RFC1: variants seen among roughly 807,000 people sequenced by gnomAD.
RFC1 encodes the protein replication factor C subunit 1, also known as A1 140 kDa subunit.
RFC1 carries 37 observed loss-of-function variants against 137.4 expected under a neutral mutation model. The ratio of observed to expected loss-of-function variants is 0.27; its 90% CI spans 0.21 to 0.35. RFC1 has a LOEUF of 0.35. Among genes scored for constraint, RFC1 ranks in the 10% least tolerant of loss-of-function variants. RFC1 has a pLI of 1.00. For missense variants in RFC1, 1,205 were observed against 1,358.5 expected (o/e 0.89, Z 1.78); for synonymous variants, 429 against 455.7 (o/e 0.94, Z 0.75).
chr4:39,300,628 G>A (rs1360414818), intron 19 of RFC1, among the ~76,000 whole-genome samples: 1 of 152,080 alleles, frequency 6.6e-6, no homozygotes, highest in African/African-American at 2.4e-5. Flanking sequence ...ATGAAACTAT[G>A]TTCACACAAA....
At chr4:39,300,477 A>G in intron 19 of RFC1, 63 bp from the exon 20 acceptor site, 1 of 1,192,260 alleles carries the variant, frequency 8.4e-7, no homozygotes. Flanking sequence ...ACATCACCAA[A>G]TGCTAACGAG....
chr4:39,313,066 A>G (rs894291807), intron 10 of RFC1, 135 bp from the exon 11 acceptor site: 1 of 709,452 alleles, frequency 1.4e-6, no homozygotes, highest in Non-Finnish European at 2.3e-6. Flanking sequence ...AGTTTGCTGG[A>G]AATTTACAGC....
chr4:39,343,186 A>G (rs148250862), intron 3 of RFC1, among the ~76,000 whole-genome samples: 1 of 151,974 alleles, frequency 6.6e-6, no homozygotes, highest in Non-Finnish European at 1.5e-5. Context: ...CCACGCCCAG[A>G]TAATTTTTGT....
intron 5 of RFC1, 39 bp downstream of exon 5, chr4:39,327,485 T>A: frequency 1.5e-6 from 2 of 1,361,098 alleles, no homozygotes; most frequent in Non-Finnish European, 2.0e-6. Flanking sequence ...TGAATGGGTA[T>A]AAATCCTGAG....
intron 10 of RFC1, among the ~76,000 whole-genome samples, chr4:39,316,145 G>A (rs1413654198): frequency 6.6e-6 from 1 of 152,200 alleles, no homozygotes; most frequent in East Asian, 1.9e-4. Flanking sequence ...CAGGAGAATC[G>A]CTTGAACCCA....
At chr4:39,346,022 A>G (rs967679259) in intron 2 of RFC1, among the ~76,000 whole-genome samples, 24 of 152,232 alleles carry the variant, frequency 1.6e-4, no homozygotes, top group Admixed American at 1.3e-3. Context: ...AGAAAACGCT[A>G]TATTATTATT....
intron 2 of RFC1, 70 bp downstream of exon 2, chr4:39,351,278 A>AAAATT: frequency 2.0e-6 from 1 of 494,856 alleles, no homozygotes; most frequent in Non-Finnish European, 2.9e-6. Context: ...AAAAAAAAAA[A>AAAATT]AAAAAAACTT....
intron 24 of RFC1, 148 bp downstream of exon 24, chr4:39,289,700 A>C (rs2109569869): frequency 3.3e-6 from 2 of 605,644 alleles, no homozygotes; most frequent in Admixed American, 3.0e-5. Context: ...TGAAATCTCT[A>C]CCTTCTCCAC....
intron 12 of RFC1, 24 bp downstream of exon 12, chr4:39,311,420 TA>T (rs1479325849): frequency 6.3e-7 from 1 of 1,586,412 alleles, no homozygotes; most frequent in Non-Finnish European, 8.7e-7. Context: ...TACACCAACT[TA>T]AATCACATTC....
intron 6 of RFC1, among the ~76,000 whole-genome samples, chr4:39,323,680 T>C (rs989255900): frequency 6.6e-6 from 1 of 152,202 alleles, no homozygotes; most frequent in Non-Finnish European, 1.5e-5. Context: ...TTCTTACTTA[T>C]AAAACATGAG....
intron 10 of RFC1, among the ~76,000 whole-genome samples, chr4:39,313,350 A>G (rs775173838): frequency 1.8e-4 from 28 of 152,358 alleles, no homozygotes; most frequent in Admixed American, 3.9e-4. Flanking sequence ...ACAAGAATTT[A>G]ATAGAAGCAG....
Position 39,289,889 on chromosome 4 carries a change from C to T in RFC1, c.3319G>A (p.Glu1107Lys). The T allele has an allele frequency of 6.2e-7, 1 of 1,613,492 alleles. No individual in the cohort carries two copies. Among genetic ancestry groups the T allele is most frequent in the East Asian group, 2.2e-5 (1 of 44,866 alleles). ...GTTTCTATAGCATCTTGGTCTTTCTCATCAGATTGAGAGTCATCTTCATTT... is the reference window on the plus strand; with the variant it reads ...GTTTCTATAGCATCTTGGTCTTTCTTATCAGATTGAGAGTCATCTTCATTT... ...ELNEDDSQSD[E>K]KDQDAIETDA... The change falls in exon 24 of 25, where the codon GAG becomes AAG. Residue 1107 changes from glutamate to lysine, a missense_variant. Physicochemically the swap from Glu to Lys is moderately conservative, Grantham distance 56. Around this residue, in one of 3 missense-constraint regions of RFC1, gnomAD observed 237 missense variants for 304.2 expected, o/e 0.78. Coordinates refer to ENST00000349703, the MANE Select transcript of RFC1 (RefSeq NM_002913.5).
intron 10 of RFC1, among the ~76,000 whole-genome samples, chr4:39,314,590 A>C: frequency 6.6e-6 from 1 of 151,824 alleles, no homozygotes; most frequent in Non-Finnish European, 1.5e-5. Context: ...CTTTGACTGA[A>C]GTCCTCTCAA....
intron 9 of RFC1, 107 bp from the exon 10 acceptor site, chr4:39,317,129 C>T: frequency 1.5e-6 from 1 of 674,790 alleles, no homozygotes; most frequent in Non-Finnish European, 2.5e-6. Flanking sequence ...ACTTCTGTGT[C>T]TGGCTGTGAA....
At chr4:39,310,532 G>A (rs932960022) in intron 12 of RFC1, among the ~76,000 whole-genome samples, 2 of 152,268 alleles carry the variant, frequency 1.3e-5, no homozygotes, top group Admixed American at 1.3e-4. Flanking sequence ...TGGCAATCCT[G>A]TGTCCTGTGT....
rs1249537963 is a variant in RFC1 at position 39,348,444 on chromosome 4, G to GAAAAGAAAAGAAAAGAA, written c.132+2887_132+2903dup. Among the ~76,000 whole-genome samples, 63 of 127,524 alleles carry GAAAAGAAAAGAAAAGAA rather than the reference G, an allele frequency of 4.9e-4. 5 individuals carry two copies. The highest frequency in any genetic ancestry group is 1.7e-3 in the African/African-American group (62 of 36,722). 83.7% of individuals were successfully genotyped at this position (127,524 alleles called of 152,430 possible). ...TTTCAAAAAAGAAAAGAAAAGAAAAGAAAAGAAAAGAAAAGAAAAGAAAAG... is the reference window on the plus strand; with the variant it reads ...TTTCAAAAAAGAAAAGAAAAGAAAAGAAAAGAAAAGAAAAGAAAAAAGAAAAGAAAAGAAAAGAAAAG... On this transcript the variant is annotated intron_variant, in intron 2 of 24. Coordinates refer to ENST00000349703, the MANE Select transcript of RFC1 (RefSeq NM_002913.5).
At chr4:39,298,016 TAAAAG>T (rs1738120787) in intron 21 of RFC1, among the ~76,000 whole-genome samples, 1 of 152,088 alleles carries the variant, frequency 6.6e-6, no homozygotes, top group South Asian at 2.1e-4. Flanking sequence ...ACATAAAATG[TAAAAG>T]AAAAGATTCT....
intron 9 of RFC1, 34 bp downstream of exon 9, chr4:39,320,349 C>CAAA (rs56374926): frequency 9.9e-5 from 111 of 1,119,400 alleles, no homozygotes; most frequent in African/African-American, 9.3e-4. Flanking sequence ...AACTCCATCT[C>CAAA]AAAAAAAAAA....
At chr4:39,342,641 T>C (rs193237126) in intron 3 of RFC1, among the ~76,000 whole-genome samples, 174 bp from the exon 4 acceptor site, 96 of 152,326 alleles carry the variant, frequency 6.3e-4, no homozygotes, top group African/African-American at 2.2e-3. Flanking sequence ...TAGTTTCCTA[T>C]TCCAGCTATA....
Sources: allele counts gnomAD v4.1 joint callset (sites outside exome capture counted in the v4.1 genomes callset), GRCh38; gene constraint gnomAD v4.1.1; regional missense constraint gnomAD v4.1.1; transcripts MANE v1.5; gene names NCBI Gene and HGNC (gene_info 2026-07-23, HGNC 2026-07-21).